Variants in TBCD observed in about 807,000 individuals in gnomAD.
TBCD encodes the protein tubulin folding cofactor D.
Under a neutral mutation model 169.3 loss-of-function variants are expected in TBCD, and 105 were observed. The observed-to-expected ratio is 0.62, with a 90% CI of 0.53 to 0.73. TBCD has a LOEUF of 0.73. Ranked by LOEUF, TBCD falls within the 30% of genes least tolerant of loss-of-function variation. The probability of loss-of-function intolerance (pLI) is 0.00; values close to 1 mark genes in which losing one functional copy is unlikely to be tolerated. For synonymous variants in TBCD, 700 were observed against 643.9 expected (o/e 1.09, Z -1.32); for missense variants, 1,444 against 1,600.1 (o/e 0.90, Z 1.66).
rs2054800349 is a variant in TBCD at position 82,844,206 on chromosome 17, C to CGTGTGTGTGTGTGTGTTTGTGTGT, written c.1319-26002_1319-26001insTTGTGTGTGTGTGTGTGTGTGTGT. On this transcript the variant is annotated intron_variant, in intron 13 of 38. Transcript: ENST00000355528. ...TGGAGGAGTGGGGGTGGATGTTCTC[C>CGTGTGTGTGTGTGTGTTTGTGTGT]GTGTGTGTGTGTGTGTGTGTGTGTG... Among the ~76,000 whole-genome samples, 2 of 127,410 alleles carry CGTGTGTGTGTGTGTGTTTGTGTGT rather than the reference C, an allele frequency of 1.6e-5. 1 individual carries two copies. The highest frequency in any genetic ancestry group is 6.3e-5 in the African/African-American group (2 of 31,732). 83.6% of individuals were successfully genotyped at this position (127,410 alleles called of 152,430 possible).
chr17:82,884,389 G>C lies in TBCD; in HGVS notation c.1533+187G>C, dbSNP rs1420327356. Among the ~76,000 whole-genome samples the C allele has an allele frequency of 6.6e-6, 1 of 152,208 alleles. No homozygotes were observed. The highest frequency in any genetic ancestry group is 1.5e-5 in the Non-Finnish European group (1 of 68,046). On this transcript the variant is annotated intron_variant, in intron 15 of 38. Coordinates refer to ENST00000355528, the MANE Select transcript of TBCD (RefSeq NM_005993.5). The surrounding 1 kb of genome is among the most constrained non-coding windows in gnomAD (Gnocchi z 4.2). ...TACTGTCTCTGGGCGTCTTCAGCGT[G>C]TGAAGGGCGGTCAGGGTTAAGCATC...
chr17:82,862,394 T>C (rs2056844839), intron 13 of TBCD, among the ~76,000 whole-genome samples: 1 of 151,942 alleles, frequency 6.6e-6, no homozygotes, highest in Admixed American at 6.5e-5. Context: ...GGGAGAAGCC[T>C]CTCGGTGGAG....
chr17:82,822,221 ACAGCGTTT>A (rs2052475177), intron 13 of TBCD, among the ~76,000 whole-genome samples: 1 of 152,272 alleles, frequency 6.6e-6, no homozygotes, highest in African/African-American at 2.4e-5. Flanking sequence ...AGGTGAGGAC[ACAGCGTTT>A]CTGTGACGGT....
In TBCD at chr17:82,927,557, G is replaced by A. The variant is rs114315238; in HGVS notation, c.2609+234G>A. Among the ~76,000 whole-genome samples the A allele has an allele frequency of 6.3e-3, 964 of 152,322 alleles. 11 individuals are homozygous for A. Among genetic ancestry groups the A allele is most frequent in the African/African-American group, 0.022 (915 of 41,578 alleles). ...CAGGTGTTGGGCCTGTGTCGTCCTC[G>A]TTGACAGGGTGTGAGGGAGGACGCG... On this transcript the variant is annotated intron_variant, in intron 29 of 38. Coordinates refer to ENST00000355528, the MANE Select transcript of TBCD (RefSeq NM_005993.5).
chr17:82,785,785 C>T (rs28691081), intron 7 of TBCD, among the ~76,000 whole-genome samples: 6,818 of 38,582 alleles, frequency 0.18, no homozygotes, highest in Middle Eastern at 0.35. Context: ...CTGGATCCCG[C>T]CCATCGCAGC....
intron 15 of TBCD, among the ~76,000 whole-genome samples, chr17:82,887,683 G>A (rs2058850646): frequency 6.6e-6 from 1 of 152,156 alleles, no homozygotes; most frequent in South Asian, 2.1e-4. Context: ...GCTTTCTAGA[G>A]CAGCTGCACC....
chr17:82,824,301 C>A (rs1360854561), intron 13 of TBCD, among the ~76,000 whole-genome samples: 1 of 151,788 alleles, frequency 6.6e-6, no homozygotes, highest in African/African-American at 2.4e-5. Flanking sequence ...CCTGCCTCAG[C>A]CTCCTGAGTA....
chr17:82,831,648 G>T lies in TBCD; in HGVS notation c.1318+16714G>T, dbSNP rs570304182. 1 of 1,614,170 alleles carries T rather than the reference G, an allele frequency of 6.2e-7. No homozygotes were observed. Among genetic ancestry groups the T allele is most frequent in the Admixed American group, 1.7e-5 (1 of 60,020 alleles). ...TTCCGTAGACTGACAGCAGGGGTGCGTCACACTCAGGCGAGCTCCCAGCCA... is the reference window on the plus strand; with the variant it reads ...TTCCGTAGACTGACAGCAGGGGTGCTTCACACTCAGGCGAGCTCCCAGCCA... On this transcript the variant is annotated intron_variant, in intron 13 of 38. Transcript: ENST00000355528. The surrounding 1 kb of genome is among the most constrained non-coding windows in gnomAD (Gnocchi z 4.6).
At position 82,940,659 on chromosome 17, in the gene TBCD, GGAGAGGAA is replaced by G. The variant is rs1195047933; in HGVS notation, c.3480-739_3480-732del. 4.6e-5 allele frequency among the ~76,000 whole-genome samples: 7 copies of G among 152,226 alleles called. No homozygotes were observed. In the East Asian group the frequency reaches 1.3e-3, roughly 29 times the overall value. On this transcript the variant is annotated intron_variant, in intron 37 of 38. Transcript: ENST00000355528. ...GCTCCTAAACAAACACGTGGTCCCA[GGAGAGGAA>G]CCGGGAGCAGCTGGGCTGTCTTCTC...
At chr17:82,758,026 A>G (rs1376215269) in intron 2 of TBCD, among the ~76,000 whole-genome samples, 1 of 152,176 alleles carries the variant, frequency 6.6e-6, no homozygotes, top group Non-Finnish European at 1.5e-5. Flanking sequence ...GGATCATGGA[A>G]TATTAACACT....
chr17:82,805,156 G>C (rs927516206), intron 9 of TBCD, among the ~76,000 whole-genome samples: 6 of 152,264 alleles, frequency 3.9e-5, no homozygotes, highest in African/African-American at 1.2e-4. Flanking sequence ...GCTGCACGCC[G>C]AGCGCAGACT....
In TBCD at chr17:82,814,873, A is replaced by T. The variant is rs767881128; in HGVS notation, c.1257A>T (p.Gly419=). 1.2e-6 allele frequency: 2 copies of T among 1,613,324 alleles called. No homozygotes were observed. Among genetic ancestry groups the T allele is most frequent in the African/African-American group, 2.7e-5 (2 of 74,874 alleles). Reference sequence around the variant, plus strand: ...AGACTGACAAGGCGTGGCATGGGGGATGTCTGGCGCTGGCAGAGCTGGGCA... The same window carrying T: ...AGACTGACAAGGCGTGGCATGGGGGTTGTCTGGCGCTGGCAGAGCTGGGCA... ...FQETDKAWHG[G]CLALAELGRR... is the part of the protein sequence containing the mutation. The change falls in exon 13 of 39, where the codon GGA becomes GGT. Residue 419 remains glycine, a synonymous_variant. Coordinates refer to ENST00000355528, the MANE Select transcript of TBCD (RefSeq NM_005993.5).
rs769463217 is a variant in TBCD, at chr17:82,835,465, C to T, written c.1318+20531C>T. On this transcript the variant is annotated intron_variant, in intron 13 of 38. Transcript: ENST00000355528. This position sits in a 1 kb window ranked among gnomAD's most constrained non-coding sequence, Gnocchi z 4.5. ...GAGACGGAGTTTTGGTCTTGTTGCC[C>T]AGGCTGGAGGGCAGTGGTGCGATCT... Among the ~76,000 whole-genome samples, 40 of 152,092 alleles carry T rather than the reference C, an allele frequency of 2.6e-4. No individual in the cohort carries two copies. The highest frequency in any genetic ancestry group is 1.2e-4 in the Non-Finnish European group (8 of 68,008).
Position 82,801,191 on chromosome 17 carries a change from T to TGG in TBCD, c.950+199_950+200dup, listed in dbSNP as rs1388958549. On this transcript the variant is annotated intron_variant, in intron 9 of 38. Coordinates refer to ENST00000355528, the MANE Select transcript of TBCD (RefSeq NM_005993.5). Reference sequence around the variant, plus strand: ...CAGGCGCCTTGGTTCTGGACACAGTTGGGGGCACTCTCTGGAGGGCAGGCC... The same window carrying TGG: ...CAGGCGCCTTGGTTCTGGACACAGTTGGGGGGGCACTCTCTGGAGGGCAGGCC... 2.0e-5 allele frequency among the ~76,000 whole-genome samples: 3 copies of TGG among 151,648 alleles called. No individual in the cohort carries two copies. The South Asian group carries it at 6.3e-4, about 32-fold the overall frequency.
chr17:82,939,505 C>T (rs2062934793), intron 37 of TBCD, 29 bp downstream of exon 37: 2 of 1,565,252 alleles, frequency 1.3e-6, no homozygotes, highest in African/African-American at 2.7e-5. Flanking sequence ...TGCACGGCCA[C>T]CTGGGCCTGG....
Position 82,922,334 on chromosome 17 carries a change from C to G in TBCD, c.2178+757C>G, listed in dbSNP as rs1485475927. ...CGAGATCACGCCATTGCACTCCAGCCTGGGTGACAAGAGCAAGACCCTGCC... is the reference window on the plus strand; with the variant it reads ...CGAGATCACGCCATTGCACTCCAGCGTGGGTGACAAGAGCAAGACCCTGCC... On this transcript the variant is annotated intron_variant, in intron 25 of 38. Coordinates refer to ENST00000355528, the MANE Select transcript of TBCD (RefSeq NM_005993.5). The surrounding 1 kb of genome is among the most constrained non-coding windows in gnomAD (Gnocchi z 4.1). Among the ~76,000 whole-genome samples the G allele has an allele frequency of 1.3e-5, 2 of 152,004 alleles. No individual in the cohort carries two copies. Among genetic ancestry groups the G allele is most frequent in the African/African-American group, 4.8e-5 (2 of 41,348 alleles).
chr17:82,842,410 C>T (rs1298645664), intron 13 of TBCD, among the ~76,000 whole-genome samples: 3 of 152,200 alleles, frequency 2.0e-5, no homozygotes, highest in African/African-American at 7.2e-5. Flanking sequence ...TTCTCCACTC[C>T]TGGTCGAGGT....
chr17:82,795,680 C>A, intron 7 of TBCD: 2 of 878,768 alleles, frequency 2.3e-6, no homozygotes, highest in Non-Finnish European at 2.7e-6. Context: ...GTGACAGCCG[C>A]ACTCTTGCGT....
intron 13 of TBCD, among the ~76,000 whole-genome samples, chr17:82,848,081 G>A (rs1402201598): frequency 2.0e-5 from 3 of 152,190 alleles, no homozygotes; most frequent in African/African-American, 7.2e-5. Context: ...GGGTGGGCGC[G>A]GCCCTGTGGG....
Sources: allele counts gnomAD v4.1 joint callset (sites outside exome capture counted in the v4.1 genomes callset), GRCh38; gene constraint gnomAD v4.1.1; non-coding constraint Gnocchi (gnomAD v3.1); transcripts MANE v1.5; gene names NCBI Gene and HGNC (gene_info 2026-07-23, HGNC 2026-07-21).